The following MLYCD variants were observed in gnomAD, a reference collection of about 807,000 sequenced individuals.
The protein encoded by MLYCD is malonyl-CoA decarboxylase.
In MLYCD, 27 loss-of-function variants were observed where a neutral mutation model predicts 35.8. That is an observed-to-expected ratio of 0.75 (90% CI 0.56 to 1.04). The LOEUF is 1.04. Ranked by LOEUF, MLYCD falls within the 50% of genes least tolerant of loss-of-function variation. The probability of loss-of-function intolerance (pLI) is 0.00; values close to 1 mark genes in which losing one functional copy is unlikely to be tolerated. For synonymous variants in MLYCD, 403 were observed against 302.4 expected (o/e 1.33, Z -3.45); for missense variants, 917 against 665.1 (o/e 1.38, Z -4.17).
chr16:83,906,890 G>A (rs566582937), intron 1 of MLYCD, 97 bp from the exon 2 acceptor site: 23 of 1,001,646 alleles, frequency 2.3e-5, no homozygotes, highest in East Asian at 7.1e-5. Flanking sequence ...CTTATGTATC[G>A]TGCTTGAGTG....
rs1224132620 is a variant in MLYCD, at chr16:83,920,338, A to T, written c.*4849A>T. On this transcript the variant is annotated 3_prime_UTR_variant, in exon 5 of 5. Coordinates refer to ENST00000262430, the MANE Select transcript of MLYCD (RefSeq NM_012213.3). ...TGGGCAGCTAGCAGCTTTGACTAGC[A>T]GCTCATCTCACCAGGCTGAGGTCGC... is the stretch of plus-strand genomic sequence containing the variant. 6.6e-6 allele frequency: 1 copy of T among 152,224 alleles called. No individual in the cohort carries two copies. The highest frequency in any genetic ancestry group is 1.5e-5 in the Non-Finnish European group (1 of 68,050). 9.4% of individuals were successfully genotyped at this position (152,224 alleles called of 1,614,324 possible).
rs1413841409 is a variant in MLYCD at position 83,923,405 on chromosome 16, AG to A, written c.*7917del. The A allele has an allele frequency of 6.6e-5, 10 of 152,392 alleles. No homozygotes were observed. Among genetic ancestry groups the A allele is most frequent in the African/African-American group, 2.4e-4 (10 of 41,590 alleles). 9.4% of individuals were successfully genotyped at this position (152,392 alleles called of 1,614,324 possible). A position where few individuals can be genotyped will look rare whatever the true frequency, so the allele number is the denominator to read the frequency against. The stretch of plus-strand genomic sequence containing the variant: ...AGCTGCCCATGATTTCACCACAGAA[AG>A]TCTGCCTCATTTGCAGTTTAGCGGA... On this transcript the variant is annotated 3_prime_UTR_variant, in exon 5 of 5. Transcript: ENST00000262430.
In MLYCD at chr16:83,917,250, TGCCCG is replaced by T. The variant is rs1478978761; in HGVS notation, c.*1762_*1766del. The T allele has an allele frequency of 1.4e-5, 2 of 142,198 alleles. No individual in the cohort carries two copies. Among genetic ancestry groups the T allele is most frequent in the African/African-American group, 6.0e-5 (2 of 33,588 alleles). 8.8% of individuals were successfully genotyped at this position (142,198 alleles called of 1,614,324 possible). A position where few individuals can be genotyped will look rare whatever the true frequency, so the allele number is the denominator to read the frequency against. On this transcript the variant is annotated 3_prime_UTR_variant, in exon 5 of 5. Transcript: ENST00000262430. ...GGATCAGTGCACGTCTGTGTGCGTG[TGCCCG>T]AGCGTCTCTGTGTGGATCAGTGCAC...
At position 83,922,833 on chromosome 16, in the gene MLYCD, G is replaced by A. The variant is rs897796113; in HGVS notation, c.*7344G>A. Reference sequence around the variant, plus strand: ...ATATTTGAATATTTGTTGGTTTTCTGGCTTCTCACAATTTCTAAGAGGTGA... The same window carrying A: ...ATATTTGAATATTTGTTGGTTTTCTAGCTTCTCACAATTTCTAAGAGGTGA... On this transcript the variant is annotated 3_prime_UTR_variant, in exon 5 of 5. Coordinates refer to ENST00000262430, the MANE Select transcript of MLYCD (RefSeq NM_012213.3). The A allele has an allele frequency of 6.6e-6, 1 of 152,290 alleles. No individual in the cohort carries two copies. Among genetic ancestry groups the A allele is most frequent in the Non-Finnish European group, 1.5e-5 (1 of 68,102 alleles). The allele number at this position is 152,290 out of a possible 1,614,324, so 9.4% of individuals were successfully genotyped here.
chr16:83,915,351 C>T lies in MLYCD; in HGVS notation c.1344C>T (p.Cys448=), dbSNP rs534173407. 33 of 1,613,772 alleles carry T rather than the reference C, an allele frequency of 2.0e-5. 2 individuals are homozygous for T. In the East Asian group the frequency reaches 2.5e-4, roughly 12 times the overall value. ...GCCTCAGAGGCATCACCGGCTCCTG[C>T]GGCCTGATGGCCAACTACCGCTACT... The part of the protein sequence containing the change: ...DVSLRGITGS[C]GLMANYRYFL... Residue 448 remains cysteine, a synonymous_variant, in exon 5 of 5, where the codon TGC becomes TGT. Transcript: ENST00000262430.
intron 1 of MLYCD, among the ~76,000 whole-genome samples, chr16:83,900,503 T>C (rs189419418): frequency 2.0e-5 from 3 of 151,984 alleles, no homozygotes; most frequent in South Asian, 4.2e-4. Flanking sequence ...CAGCCTCGAC[T>C]TCCCCAGGCT....
rs751034674 is a variant in MLYCD, at chr16:83,908,274, A to G, written c.790A>G (p.Asn264Asp). 25 of 1,613,932 alleles carry G rather than the reference A, an allele frequency of 1.5e-5. No individual in the cohort carries two copies. The East Asian group carries it at 2.7e-4, about 17-fold the overall frequency. The change falls in exon 3 of 5, where the codon AAC (asparagine) becomes GAC (aspartate). Residue 264 changes from asparagine to aspartate, a missense_variant. Asn to Asp is a conservative substitution (Grantham distance 23). Transcript: ENST00000262430. Reference protein sequence around the residue: ...HVALTGDISSNIQAIVKEHPP... With the variant: ...HVALTGDISSDIQAIVKEHPP... ...GGCACTGACTGGTGACATCTCCAGCAACATCCAGGTACCTGCGATGGTCAA... is the reference window on the plus strand; with the variant it reads ...GGCACTGACTGGTGACATCTCCAGCGACATCCAGGTACCTGCGATGGTCAA...
Position 83,899,278 on chromosome 16 carries a change from G to T in MLYCD, c.134G>T (p.Arg45Leu), listed in dbSNP as rs1365443024. 1 of 1,468,914 alleles carries T rather than the reference G, an allele frequency of 6.8e-7. No individual in the cohort carries two copies. Among genetic ancestry groups the T allele is most frequent in the South Asian group, 1.3e-5 (1 of 77,624 alleles). 91.0% of individuals were successfully genotyped at this position (1,468,914 alleles called of 1,614,324 possible). Residue 45 changes from arginine to leucine, a missense_variant, in exon 1 of 5, where the codon CGC becomes CTC. Arg to Leu is a moderately radical substitution (Grantham distance 102). Coordinates refer to ENST00000262430, the MANE Select transcript of MLYCD (RefSeq NM_012213.3). Reference protein sequence around the residue: ...ALERAMDELLRRAVPPTPAYE... With the variant: ...ALERAMDELLLRAVPPTPAYE... Reference sequence around the variant, plus strand: ...GAGCGGGCCATGGACGAGCTGCTGCGCCGCGCGGTGCCGCCGACGCCGGCC... The same window carrying T: ...GAGCGGGCCATGGACGAGCTGCTGCTCCGCGCGGTGCCGCCGACGCCGGCC...
At chr16:83,910,584 G>T (rs1907139159) in intron 3 of MLYCD, among the ~76,000 whole-genome samples, 1 of 151,922 alleles carries the variant, frequency 6.6e-6, no homozygotes, top group Non-Finnish European at 1.5e-5. Context: ...CAGCTACTTG[G>T]GAGGCTGAGG....
chr16:83,916,853 CTGTG>C lies in MLYCD; in HGVS notation c.*1367_*1370del, dbSNP rs1425868251. 1 of 129,470 alleles carries C rather than the reference CTGTG, an allele frequency of 7.7e-6. No homozygotes were observed. Among genetic ancestry groups the C allele is most frequent in the East Asian group, 2.4e-4 (1 of 4,160 alleles). 8.0% of individuals were successfully genotyped at this position (129,470 alleles called of 1,614,324 possible). A position where few individuals can be genotyped will look rare whatever the true frequency, so the allele number is the denominator to read the frequency against. ...AGCGTCTCTGTGTGTCAGTGCACGT[CTGTG>C]TGCGTGTGCCCGAGCGTCTCTGTGT... On this transcript the variant is annotated 3_prime_UTR_variant, in exon 5 of 5. Coordinates refer to ENST00000262430, the MANE Select transcript of MLYCD (RefSeq NM_012213.3).
chr16:83,923,045 G>A lies in MLYCD; in HGVS notation c.*7556G>A, dbSNP rs1274812418. On this transcript the variant is annotated 3_prime_UTR_variant, in exon 5 of 5. Coordinates refer to ENST00000262430, the MANE Select transcript of MLYCD (RefSeq NM_012213.3). Reference sequence around the variant, plus strand: ...GGGCCTCAGAATCTGAACTCCCTGTGGTCACTCTGAGGCCTCTCTGTCTCT... The same window carrying A: ...GGGCCTCAGAATCTGAACTCCCTGTAGTCACTCTGAGGCCTCTCTGTCTCT... The A allele has an allele frequency of 6.6e-6, 1 of 152,228 alleles. No individual in the cohort carries two copies. Among genetic ancestry groups the A allele is most frequent in the African/African-American group, 2.4e-5 (1 of 41,442 alleles). 9.4% of individuals were successfully genotyped at this position (152,228 alleles called of 1,614,324 possible).
chr16:83,912,436 G>T, intron 4 of MLYCD, 69 bp downstream of exon 4: 2 of 1,596,430 alleles, frequency 1.3e-6, no homozygotes, highest in Non-Finnish European at 1.7e-6. Flanking sequence ...ACCTCGTGGG[G>T]TGTCAGGTGC....
chr16:83,904,008 A>G (rs913624143), intron 1 of MLYCD, among the ~76,000 whole-genome samples: 2 of 152,200 alleles, frequency 1.3e-5, no homozygotes, highest in African/African-American at 4.8e-5. Flanking sequence ...GAACTGAGCA[A>G]CGGAGACTTC....
chr16:83,899,142 A>T lies in MLYCD; in HGVS notation c.-3A>T, dbSNP rs1234234499. 73 of 1,133,520 alleles carry T rather than the reference A, an allele frequency of 6.4e-5. No individual in the cohort carries two copies. Among genetic ancestry groups the T allele is most frequent in the Non-Finnish European group, 7.0e-5 (65 of 928,344 alleles). 70.2% of individuals were successfully genotyped at this position (1,133,520 alleles called of 1,614,324 possible). A position where few individuals can be genotyped will look rare whatever the true frequency, so the allele number is the denominator to read the frequency against. On this transcript the variant is annotated 5_prime_UTR_variant, in exon 1 of 5. Transcript: ENST00000262430. The stretch of plus-strand genomic sequence containing the variant: ...TCCCCCTCGGCAGCTGTTGTGGGGC[A>T]CCATGCGAGGCTTCGGGCCAGGCTT...
intron 3 of MLYCD, among the ~76,000 whole-genome samples, chr16:83,908,943 AGAGGACAT>A (rs1567634383): frequency 6.6e-6 from 1 of 152,202 alleles, no homozygotes; most frequent in Non-Finnish European, 1.5e-5. Flanking sequence ...GCTCAGACCA[AGAGGACAT>A]GAGTGGCTGT....
Position 83,906,892 on chromosome 16 carries a change from G to T in MLYCD, c.529-95G>T, listed in dbSNP as rs1567633460. 3 of 1,015,126 alleles carry T rather than the reference G, an allele frequency of 3.0e-6. No individual in the cohort carries two copies. The East Asian group carries it at 7.1e-5, about 24-fold the overall frequency. The allele number at this position is 1,015,126 out of a possible 1,614,324, so 62.9% of individuals were successfully genotyped here. On this transcript the variant is annotated intron_variant, in intron 1 of 4. Transcript: ENST00000262430. ...CTTGCACAATTGTCTTATGTATCGT[G>T]CTTGAGTGTTTTCATTCCTTGTGCT...
At position 83,926,659 on chromosome 16, in the gene MLYCD, T is replaced by C. The variant is rs910663621; in HGVS notation, c.*11170T>C. The stretch of plus-strand genomic sequence containing the variant: ...AATGTTGATATTAGTGGTCCCTTCC[T>C]TCAGGGGCTGTGGGGATCTCAAAAG... On this transcript the variant is annotated 3_prime_UTR_variant, in exon 5 of 5. Transcript: ENST00000262430. 2.0e-5 allele frequency: 3 copies of C among 152,286 alleles called. No individual in the cohort carries two copies. Among genetic ancestry groups the C allele is most frequent in the African/African-American group, 7.2e-5 (3 of 41,472 alleles). The allele number at this position is 152,286 out of a possible 1,614,324, so 9.4% of individuals were successfully genotyped here.
chr16:83,901,295 C>T (rs1906776869), intron 1 of MLYCD, among the ~76,000 whole-genome samples: 1 of 152,220 alleles, frequency 6.6e-6, no homozygotes, highest in South Asian at 2.1e-4. Flanking sequence ...TGCAGTATAT[C>T]ATCCCCCCAT....
chr16:83,919,417 G>A lies in MLYCD; in HGVS notation c.*3928G>A, dbSNP rs1230526936. The A allele has an allele frequency of 7.4e-6, 1 of 135,558 alleles. No individual in the cohort carries two copies. Among genetic ancestry groups the A allele is most frequent in the East Asian group, 2.4e-4 (1 of 4,158 alleles). The allele number at this position is 135,558 out of a possible 1,614,324, so 8.4% of individuals were successfully genotyped here. ...AGAACACACACTGCACAGAACAAATGCACAGCACACAGGAGAACATGCACA... is the reference window on the plus strand; with the variant it reads ...AGAACACACACTGCACAGAACAAATACACAGCACACAGGAGAACATGCACA... On this transcript the variant is annotated 3_prime_UTR_variant, in exon 5 of 5. Coordinates refer to ENST00000262430, the MANE Select transcript of MLYCD (RefSeq NM_012213.3).
Sources: gnomAD v4.1 joint callset for allele counts (sites outside exome capture counted in the v4.1 genomes callset) on GRCh38, gnomAD v4.1.1 for gene constraint, MANE v1.5 for transcripts, NCBI Gene and HGNC (gene_info 2026-07-23, HGNC 2026-07-21) for gene names.